The following PARD3B variants were observed in gnomAD, a reference collection of about 807,000 sequenced individuals.
The protein encoded by PARD3B is partitioning defective 3 homolog B.
PARD3B carries 103 observed loss-of-function variants against 130.2 expected under a neutral mutation model. The observed-to-expected ratio is 0.79, with a 90% CI of 0.67 to 0.93. The LOEUF (loss-of-function observed/expected upper bound fraction) is 0.93. Ranked by LOEUF, PARD3B falls within the 40% of genes least tolerant of loss-of-function variation. The probability of loss-of-function intolerance (pLI) is 0.00; values close to 1 mark genes in which losing one functional copy is unlikely to be tolerated. For synonymous variants in PARD3B, 583 were observed against 553.2 expected, an observed-to-expected ratio of 1.05 and a Z score of -0.76; for missense variants, 1,609 against 1,499.2, an observed-to-expected ratio of 1.07 and a Z score of -1.21.
intron 18 of PARD3B, among the ~76,000 whole-genome samples, chr2:205,357,009 C>T (rs2044219396): frequency 6.6e-6 from 1 of 152,080 alleles, no homozygotes; most frequent in African/African-American, 2.4e-5. Context: ...TATTGTTTCT[C>T]ATTTGCATAA....
At chr2:204,596,045 CAAT>C (rs1441427221) in intron 1 of PARD3B, among the ~76,000 whole-genome samples, 1 of 152,172 alleles carries the variant, frequency 6.6e-6, no homozygotes, top group Non-Finnish European at 1.5e-5. Flanking sequence ...TAAGTAAAAA[CAAT>C]AGAGCACTTT....
At chr2:204,901,469 T>C (rs2046855400) in intron 2 of PARD3B, among the ~76,000 whole-genome samples, 1 of 151,840 alleles carries the variant, frequency 6.6e-6, no homozygotes, top group Admixed American at 6.6e-5. Context: ...CTACCAGGCC[T>C]GGGACTCTCC....
rs1324235402 is a variant in PARD3B, at chr2:204,673,355, G to A, written c.121-12826G>A. Among the ~76,000 whole-genome samples, 1 of 152,146 alleles carries A rather than the reference G, an allele frequency of 6.6e-6. No homozygotes were observed. The highest frequency in any genetic ancestry group is 1.9e-4 in the East Asian group (1 of 5,194). ...GTAGAATTTTATTTCATTTTGTAGA[G>A]TGGAATAAAAAATTTACTCAGTGTG... On this transcript the variant is annotated intron_variant, in intron 1 of 22. Coordinates refer to ENST00000406610, the MANE Select transcript of PARD3B (RefSeq NM_001302769.2). This position sits in a 1 kb window ranked among gnomAD's most constrained non-coding sequence, Gnocchi z 4.7.
intron 1 of PARD3B, among the ~76,000 whole-genome samples, chr2:204,553,669 TATATATATATATATATATATATATATAC>T (rs1216487721): frequency 5.4e-4 from 37 of 68,908 alleles, no homozygotes; most frequent in African/African-American, 2.0e-3. Flanking sequence ...TATATATATA[TATATATATATATATATATATATATATAC>T]ACACATATAT....
rs1037248345 is a variant in PARD3B at position 205,269,487 on chromosome 2, A to G, written c.2185+23665A>G. ...TTAGTACCTTGTTAAGATTTCCAAG[A>G]ACTTTTATATTCAGGAATTTATATT... On this transcript the variant is annotated intron_variant, in intron 16 of 22. Transcript: ENST00000406610. The surrounding 1 kb of genome is among the most constrained non-coding windows in gnomAD (Gnocchi z 4.7). Among the ~76,000 whole-genome samples, 10 of 152,162 alleles carry G rather than the reference A, an allele frequency of 6.6e-5. No homozygotes were observed. The highest frequency in any genetic ancestry group is 2.6e-4 in the Admixed American group (4 of 15,278).
chr2:205,039,181 T>A, intron 3 of PARD3B, among the ~76,000 whole-genome samples: 1 of 152,286 alleles, frequency 6.6e-6, no homozygotes, highest in East Asian at 1.9e-4. Context: ...GAAAATGTAG[T>A]TGCCTCCAAA....
intron 2 of PARD3B, among the ~76,000 whole-genome samples, chr2:204,861,833 A>G (rs16836677): frequency 0.02 from 2,961 of 150,620 alleles, 76 homozygotes; most frequent in East Asian, 0.15. Context: ...AAATTACTCA[A>G]TTACCAAAAT....
intron 20 of PARD3B, among the ~76,000 whole-genome samples, chr2:205,493,708 C>A (rs1300790914): frequency 6.7e-6 from 1 of 149,592 alleles, no homozygotes; most frequent in Non-Finnish European, 1.5e-5. Context: ...AAAGCCATTT[C>A]TTTTCATTTA....
At chr2:205,144,841 T>G (rs1054176306) in intron 10 of PARD3B, among the ~76,000 whole-genome samples, 3 of 152,142 alleles carry the variant, frequency 2.0e-5, no homozygotes, top group Non-Finnish European at 2.9e-5. Flanking sequence ...AATTCAAACG[T>G]GAGAGAAAAG....
chr2:204,823,939 C>CAA (rs5837938), intron 2 of PARD3B, among the ~76,000 whole-genome samples: 2,953 of 109,016 alleles, frequency 0.027, 109 homozygotes, highest in African/African-American at 0.083. Context: ...GACTCAGTCT[C>CAA]AAAAAAAAAA....
At chr2:204,775,688 C>T (rs561949918) in intron 2 of PARD3B, among the ~76,000 whole-genome samples, 19 of 152,102 alleles carry the variant, frequency 1.2e-4, no homozygotes, top group Admixed American at 3.3e-4. Flanking sequence ...TTGTTTACCT[C>T]CCCATTTTAA....
At chr2:204,701,032 A>G (rs561167328) in intron 2 of PARD3B, among the ~76,000 whole-genome samples, 2 of 152,208 alleles carry the variant, frequency 1.3e-5, no homozygotes, top group Admixed American at 1.3e-4. Context: ...TTGTATATGT[A>G]TTGAAGCATA....
chr2:205,191,642 T>C (rs2036402958), intron 14 of PARD3B, among the ~76,000 whole-genome samples: 1 of 152,230 alleles, frequency 6.6e-6, no homozygotes, highest in African/African-American at 2.4e-5. Flanking sequence ...TACCAGACCC[T>C]AATGTCCTTA....
rs1468474287 is a variant in PARD3B, at chr2:205,470,113, A to G, written c.3044+29441A>G. ...CATCTTTCCTCACCTACAGACACAC[A>G]GGGTGGAACTAAGTGATCTCAGCAT... On this transcript the variant is annotated intron_variant, in intron 20 of 22. Coordinates refer to ENST00000406610, the MANE Select transcript of PARD3B (RefSeq NM_001302769.2). The surrounding 1 kb of genome is among the most constrained non-coding windows in gnomAD (Gnocchi z 4.8). 6.6e-6 allele frequency among the ~76,000 whole-genome samples: 1 copy of G among 152,190 alleles called. No homozygotes were observed. The highest frequency in any genetic ancestry group is 1.5e-5 in the Non-Finnish European group (1 of 68,030).
chr2:204,981,981 A>G (rs1692706467), intron 3 of PARD3B, among the ~76,000 whole-genome samples: 1 of 152,114 alleles, frequency 6.6e-6, no homozygotes, highest in Admixed American at 6.5e-5. Flanking sequence ...GTGTGTGTGT[A>G]TGTACACACA....
At chr2:204,827,035 A>G (rs570123800) in intron 2 of PARD3B, among the ~76,000 whole-genome samples, 7 of 152,204 alleles carry the variant, frequency 4.6e-5, no homozygotes, top group Admixed American at 2.0e-4. Context: ...AAAAAAATCT[A>G]TATTCTCATA....
intron 2 of PARD3B, among the ~76,000 whole-genome samples, chr2:204,755,237 G>A (rs985735410): frequency 6.6e-6 from 1 of 152,126 alleles, no homozygotes; most frequent in African/African-American, 2.4e-5. Context: ...GTGTGAATAG[G>A]AAGTATGGCA....
Position 205,317,813 on chromosome 2 carries a change from T to C in PARD3B, c.2630+16112T>C, listed in dbSNP as rs1309025906. 5.3e-5 allele frequency among the ~76,000 whole-genome samples: 8 copies of C among 152,284 alleles called. No individual in the cohort carries two copies. The South Asian group carries it at 1.7e-3, about 32-fold the overall frequency. ...AAGAGTGGACAGTATAAAAGGAAGC[T>C]TGAGTGAACTTTTCTGTTATCTGAG... On this transcript the variant is annotated intron_variant, in intron 18 of 22. Transcript: ENST00000406610.
At chr2:205,267,402 C>A (rs556674600) in intron 16 of PARD3B, among the ~76,000 whole-genome samples, 7 of 152,270 alleles carry the variant, frequency 4.6e-5, no homozygotes, top group African/African-American at 1.2e-4. Flanking sequence ...TAAACAGTAA[C>A]CTCTGAAATA....
Sources: allele counts gnomAD v4.1 joint callset (sites outside exome capture counted in the v4.1 genomes callset), GRCh38; gene constraint gnomAD v4.1.1; non-coding constraint Gnocchi (gnomAD v3.1); transcripts MANE v1.5; gene names NCBI Gene and HGNC (gene_info 2026-07-23, HGNC 2026-07-21).